KCNIP4: variants seen among roughly 807,000 people sequenced by gnomAD.
KCNIP4 encodes the protein Kv channel-interacting protein 4.
Under a neutral mutation model 34.0 loss-of-function variants are expected in KCNIP4, and 12 were observed. That is an observed-to-expected ratio of 0.35 (90% confidence interval 0.23 to 0.57). KCNIP4 has a LOEUF of 0.57. KCNIP4 is among the 20% of genes least tolerant of loss of function. The pLI is 0.83. For synonymous variants in KCNIP4, 124 were observed against 102.2 expected (o/e 1.21, Z -1.29); for missense variants, 238 against 311.7 (o/e 0.76, Z 1.78).
intron 1 of KCNIP4, among the ~76,000 whole-genome samples, chr4:21,558,964 T>G (rs1739296079): frequency 6.6e-6 from 1 of 152,170 alleles, no homozygotes; most frequent in Admixed American, 6.6e-5. Context: ...AAAATTAAAT[T>G]GAACCCATAA....
intron 4 of KCNIP4, 54 bp from the exon 5 acceptor site, chr4:20,749,786 A>G: frequency 5.9e-6 from 7 of 1,187,940 alleles, no homozygotes; most frequent in South Asian, 2.7e-5. Context: ...ATCCTACATA[A>G]GACTTGGATA....
intron 1 of KCNIP4, among the ~76,000 whole-genome samples, chr4:20,948,749 C>G (rs1221707048): frequency 1.3e-5 from 2 of 152,106 alleles, no homozygotes; most frequent in Admixed American, 6.6e-5. Flanking sequence ...GGAGATGACT[C>G]CCTTTGTTTT....
chr4:21,837,231 T>G (rs564034963), intron 1 of KCNIP4, among the ~76,000 whole-genome samples: 4 of 149,978 alleles, frequency 2.7e-5, no homozygotes, highest in African/African-American at 7.3e-5. Context: ...TGGGATAACA[T>G]TTATCAAAAG....
intron 1 of KCNIP4, among the ~76,000 whole-genome samples, chr4:21,595,724 A>G (rs1321393295): frequency 1.3e-5 from 2 of 152,066 alleles, no homozygotes; most frequent in Non-Finnish European, 2.9e-5. Context: ...TATGCAAGCA[A>G]TAAACATATG....
At chr4:21,926,185 C>T (rs1022812105) in intron 1 of KCNIP4, among the ~76,000 whole-genome samples, 7 of 152,300 alleles carry the variant, frequency 4.6e-5, no homozygotes, top group South Asian at 2.1e-4. Flanking sequence ...TATGCATTAT[C>T]TCAAATAATG....
chr4:21,889,338 T>A (rs1726958631), intron 1 of KCNIP4, among the ~76,000 whole-genome samples: 1 of 152,218 alleles, frequency 6.6e-6, no homozygotes, highest in South Asian at 2.1e-4. Flanking sequence ...ATCCCCAAGA[T>A]ATCTCATTAA....
At chr4:21,785,119 T>A (rs1719815297) in intron 1 of KCNIP4, among the ~76,000 whole-genome samples, 1 of 152,122 alleles carries the variant, frequency 6.6e-6, no homozygotes, top group African/African-American at 2.4e-5. Context: ...CACACACTAT[T>A]TATCAGAATC....
chr4:21,756,154 T>A (rs914279763), intron 1 of KCNIP4, among the ~76,000 whole-genome samples: 1 of 152,218 alleles, frequency 6.6e-6, no homozygotes, highest in Non-Finnish European at 1.5e-5. Flanking sequence ...CCTAAAGAAA[T>A]GCAGATACAT....
intron 1 of KCNIP4, among the ~76,000 whole-genome samples, chr4:21,349,515 C>T (rs1280791872): frequency 6.6e-6 from 1 of 152,066 alleles, no homozygotes; most frequent in East Asian, 1.9e-4. Context: ...TTTTATAAAC[C>T]TTTAATGAAG....
intron 3 of KCNIP4, among the ~76,000 whole-genome samples, chr4:20,801,610 C>A (rs1714245712): frequency 6.6e-6 from 1 of 151,988 alleles, no homozygotes. Context: ...CTGTTATCAG[C>A]TTAAAATAGC....
chr4:21,182,678 G>A lies in KCNIP4; in HGVS notation c.62-299969C>T, dbSNP rs1035691257. Among the ~76,000 whole-genome samples the A allele has an allele frequency of 8.6e-5, 13 of 151,894 alleles. No individual in the cohort carries two copies. The East Asian group carries it at 1.4e-3, about 16-fold the overall frequency. ...GTCTATTATTCCATTCTCCATGTCCGTGTGTACACATTATTTTCAACTTCA... is the reference window on the plus strand; with the variant it reads ...GTCTATTATTCCATTCTCCATGTCCATGTGTACACATTATTTTCAACTTCA... On this transcript the variant is annotated intron_variant, in intron 1 of 8. Coordinates refer to ENST00000382152, the MANE Select transcript of KCNIP4 (RefSeq NM_025221.6).
chr4:21,817,021 G>C (rs1400131822), intron 1 of KCNIP4, among the ~76,000 whole-genome samples: 1 of 152,170 alleles, frequency 6.6e-6, no homozygotes, highest in East Asian at 1.9e-4. Context: ...GTGCTTGACA[G>C]ATGTGAGCTA....
At chr4:20,916,938 TCATA>T (rs1260212522) in intron 1 of KCNIP4, among the ~76,000 whole-genome samples, 1 of 143,538 alleles carries the variant, frequency 7.0e-6, no homozygotes, top group Non-Finnish European at 1.5e-5. Flanking sequence ...CCTTTCCCTT[TCATA>T]TTTTTTCCTT....
At chr4:21,459,161 C>A (rs1319747014) in intron 1 of KCNIP4, among the ~76,000 whole-genome samples, 3 of 152,000 alleles carry the variant, frequency 2.0e-5, no homozygotes, top group African/African-American at 7.3e-5. Context: ...CTCTTCAATT[C>A]CTTTACTCCA....
At chr4:21,193,617 G>A (rs1373258542) in intron 1 of KCNIP4, among the ~76,000 whole-genome samples, 3 of 144,072 alleles carry the variant, frequency 2.1e-5, no homozygotes, top group Middle Eastern at 3.6e-3. Flanking sequence ...TCTTGGCCAG[G>A]CTGGAGTGCA....
At chr4:21,638,395 C>A (rs1045851998) in intron 1 of KCNIP4, among the ~76,000 whole-genome samples, 1 of 152,190 alleles carries the variant, frequency 6.6e-6, no homozygotes, top group African/African-American at 2.4e-5. Flanking sequence ...TTGGTGCAAG[C>A]TGTCAGGTCT....
chr4:21,299,459 T>C (rs1259382630), intron 1 of KCNIP4, among the ~76,000 whole-genome samples: 1 of 152,132 alleles, frequency 6.6e-6, no homozygotes, highest in Non-Finnish European at 1.5e-5. Context: ...AGGCGGTATA[T>C]GTATTCCCTT....
rs1041075702 is a variant in KCNIP4 at position 21,107,131 on chromosome 4, G to C, written c.62-224422C>G. 5.4e-5 allele frequency among the ~76,000 whole-genome samples: 8 copies of C among 147,192 alleles called. No individual in the cohort carries two copies. The East Asian group carries it at 5.8e-4, about 11-fold the overall frequency. Reference sequence around the variant, plus strand: ...TATTAGGTCCGCTTGGTGCAGAGCTGAGTTCAATTCCTGGGTATCCTTTTT... The same window carrying C: ...TATTAGGTCCGCTTGGTGCAGAGCTCAGTTCAATTCCTGGGTATCCTTTTT... On this transcript the variant is annotated intron_variant, in intron 1 of 8. Coordinates refer to ENST00000382152, the MANE Select transcript of KCNIP4 (RefSeq NM_025221.6).
chr4:20,747,524 G>A (rs1752628845), intron 5 of KCNIP4, among the ~76,000 whole-genome samples: 3 of 152,104 alleles, frequency 2.0e-5, no homozygotes, highest in Admixed American at 6.6e-5. Context: ...TGTGGAGACT[G>A]GTACCCAGGA....
Sources: allele counts gnomAD v4.1 joint callset (sites outside exome capture counted in the v4.1 genomes callset), GRCh38; gene constraint gnomAD v4.1.1; transcripts MANE v1.5; gene names NCBI Gene and HGNC (gene_info 2026-07-23, HGNC 2026-07-21).